The following ARSB variants were observed in gnomAD, a reference collection of about 807,000 sequenced individuals.
The protein encoded by ARSB is arylsulfatase B.
A neutral mutation model predicts 50.9 loss-of-function variants in ARSB; 41 were observed. That is an observed-to-expected ratio of 0.81 (90% CI 0.63 to 1.04). The LOEUF is 1.04. Among genes scored for constraint, ARSB ranks in the 50% least tolerant of loss-of-function variants. The pLI is 0.00. For synonymous variants in ARSB, 269 were observed against 284.8 expected (o/e 0.94, Z 0.56); for missense variants, 672 against 693.3 (o/e 0.97, Z 0.35).
At chr5:78,939,677 A>G (rs1218491537) in intron 4 of ARSB, among the ~76,000 whole-genome samples, 1 of 152,128 alleles carries the variant, frequency 6.6e-6, no homozygotes, top group East Asian at 1.9e-4. Flanking sequence ...AATCCAGTCT[A>G]TCATTGGTGG....
chr5:78,819,630 G>A (rs1744131671), intron 6 of ARSB, among the ~76,000 whole-genome samples: 1 of 152,196 alleles, frequency 6.6e-6, no homozygotes, highest in Admixed American at 6.5e-5. Context: ...ATTTGTGTAT[G>A]TGCTTGTCTT....
chr5:78,850,427 T>A (rs1474517652), intron 5 of ARSB, among the ~76,000 whole-genome samples: 1 of 152,122 alleles, frequency 6.6e-6, no homozygotes, highest in Non-Finnish European at 1.5e-5. Flanking sequence ...TCATGGTGGA[T>A]AAGCTTTTTG....
At position 78,968,631 on chromosome 5, in the gene ARSB, G is replaced by A. The variant is rs756042270; in HGVS notation, c.499+375C>T. On this transcript the variant is annotated intron_variant, in intron 2 of 7. Coordinates refer to ENST00000264914, the MANE Select transcript of ARSB (RefSeq NM_000046.5). The stretch of plus-strand genomic sequence containing the variant: ...CCCAAAGTGCTGGGATTACAGGCGT[G>A]AGCCACCGCACCCAGCCTGGAAATA... Among the ~76,000 whole-genome samples, 7 of 152,238 alleles carry A rather than the reference G, an allele frequency of 4.6e-5. No homozygotes were observed. The South Asian group carries it at 6.2e-4, about 14-fold the overall frequency.
chr5:78,931,580 C>G (rs759179955), intron 4 of ARSB, among the ~76,000 whole-genome samples: 1 of 152,052 alleles, frequency 6.6e-6, no homozygotes, highest in Non-Finnish European at 1.5e-5. Flanking sequence ...AAAACACAAT[C>G]AGCCCATTTT....
chr5:78,861,379 C>T (rs1746428358), intron 5 of ARSB, among the ~76,000 whole-genome samples: 1 of 152,110 alleles, frequency 6.6e-6, no homozygotes, highest in African/African-American at 2.4e-5. Context: ...TACTGGCAAA[C>T]CGAATCCAGC....
intron 1 of ARSB, among the ~76,000 whole-genome samples, chr5:78,983,174 C>T (rs1752989251): frequency 6.6e-6 from 1 of 152,310 alleles, no homozygotes; most frequent in South Asian, 2.1e-4. Context: ...CTGACTCAGT[C>T]TCCCGAGTAG....
chr5:78,828,741 T>C (rs576327756), intron 6 of ARSB, among the ~76,000 whole-genome samples: 1 of 149,224 alleles, frequency 6.7e-6, no homozygotes, highest in South Asian at 2.1e-4. Context: ...AGCAGAATAA[T>C]GGCCCCCTAA....
chr5:78,964,336 C>T, intron 3 of ARSB, 80 bp downstream of exon 3: 1 of 1,379,640 alleles, frequency 7.2e-7, no homozygotes, highest in South Asian at 1.2e-5. Context: ...CCCTAAACAA[C>T]AATGGCCTTT....
At chr5:78,947,046 T>A (rs948210784) in intron 4 of ARSB, among the ~76,000 whole-genome samples, 2 of 152,088 alleles carry the variant, frequency 1.3e-5, no homozygotes, top group Non-Finnish European at 2.9e-5. Context: ...GTCTCTTCAA[T>A]AAATGGTGCT....
intron 6 of ARSB, among the ~76,000 whole-genome samples, chr5:78,785,998 T>C (rs1749071282): frequency 1.3e-5 from 2 of 152,206 alleles, no homozygotes; most frequent in Admixed American, 1.3e-4. Flanking sequence ...TATCATATAG[T>C]TCACATATGA....
chr5:78,813,836 A>G (rs1037919345), intron 6 of ARSB, among the ~76,000 whole-genome samples: 3 of 152,110 alleles, frequency 2.0e-5, no homozygotes, highest in Non-Finnish European at 2.9e-5. Flanking sequence ...CTCATTTTGT[A>G]TTTATTATGA....
intron 5 of ARSB, among the ~76,000 whole-genome samples, chr5:78,866,037 C>T (rs371473765): frequency 4.6e-4 from 70 of 152,340 alleles, no homozygotes; most frequent in African/African-American, 1.6e-3. Flanking sequence ...CCAACCTCTG[C>T]CTATTACCCA....
intron 4 of ARSB, among the ~76,000 whole-genome samples, chr5:78,934,183 G>A (rs932347489): frequency 6.6e-6 from 1 of 152,128 alleles, no homozygotes; most frequent in African/African-American, 2.4e-5. Flanking sequence ...CTGGCATCCT[G>A]GAACATCAAT....
At chr5:78,952,231 T>C (rs1378897749) in intron 4 of ARSB, among the ~76,000 whole-genome samples, 1 of 152,176 alleles carries the variant, frequency 6.6e-6, no homozygotes, top group Middle Eastern at 3.2e-3. Flanking sequence ...TACATACACA[T>C]TTGCAATCAT....
chr5:78,971,804 T>C (rs2112539198), intron 1 of ARSB, among the ~76,000 whole-genome samples: 1 of 152,368 alleles, frequency 6.6e-6, no homozygotes, highest in Admixed American at 6.5e-5. Context: ...ACTATCTTGA[T>C]GTGGTGATGG....
intron 4 of ARSB, among the ~76,000 whole-genome samples, chr5:78,903,272 T>G (rs1265081164): frequency 1.3e-5 from 2 of 152,168 alleles, no homozygotes; most frequent in East Asian, 3.8e-4. Context: ...AAATCCTACA[T>G]TCAGGAAAAG....
intron 4 of ARSB, among the ~76,000 whole-genome samples, chr5:78,913,185 C>T (rs1035770572): frequency 1.3e-5 from 2 of 149,722 alleles, no homozygotes; most frequent in African/African-American, 4.9e-5. Flanking sequence ...AGTGCAGTGG[C>T]GCGATCTCCG....
intron 5 of ARSB, among the ~76,000 whole-genome samples, chr5:78,851,083 A>C (rs1234626040): frequency 2.0e-5 from 3 of 151,826 alleles, no homozygotes; most frequent in Non-Finnish European, 4.4e-5. Flanking sequence ...GATCTTAGTT[A>C]TTTCTTGCCT....
intron 1 of ARSB, among the ~76,000 whole-genome samples, chr5:78,975,617 TTAA>T (rs1752632809): frequency 6.6e-6 from 1 of 152,234 alleles, no homozygotes; most frequent in Admixed American, 6.5e-5. Context: ...GTTACTTTTC[TTAA>T]CTATTTTCCC....
Sources: allele counts gnomAD v4.1 joint callset (sites outside exome capture counted in the v4.1 genomes callset), GRCh38; gene constraint gnomAD v4.1.1; transcripts MANE v1.5; gene names NCBI Gene and HGNC (gene_info 2026-07-23, HGNC 2026-07-21).